The following DEPDC5 variants were observed in gnomAD, a reference collection of about 807,000 sequenced individuals.
The protein encoded by DEPDC5 is DEP domain containing 5, GATOR1 subcomplex subunit.
Under a neutral mutation model 217.3 loss-of-function variants are expected in DEPDC5, and 73 were observed. That is an observed-to-expected ratio of 0.34 (90% CI 0.28 to 0.41). The LOEUF is 0.41. Among genes scored for constraint, DEPDC5 ranks in the 10% least tolerant of loss-of-function variants. The pLI, the probability that DEPDC5 is intolerant of heterozygous loss-of-function variation, is 1.00. For missense variants in DEPDC5, 1,675 were observed against 2,070.1 expected (o/e 0.81, Z 3.70); for synonymous variants, 733 against 756.7 (o/e 0.97, Z 0.51).
chr22:31,845,310 C>A (rs905896193), intron 30 of DEPDC5, 73 bp downstream of exon 30: 3 of 1,521,732 alleles, frequency 2.0e-6, no homozygotes, highest in Non-Finnish European at 2.7e-6. Context: ...TATTAGGGGC[C>A]TCTCATCATC....
At chr22:31,757,975 G>T (rs550349033) in intron 2 of DEPDC5, among the ~76,000 whole-genome samples, 43 of 152,160 alleles carry the variant, frequency 2.8e-4, no homozygotes, top group Middle Eastern at 3.4e-3. Context: ...TGTTCGCCAG[G>T]CTGGTCTTGA....
intron 10 of DEPDC5, among the ~76,000 whole-genome samples, chr22:31,790,368 T>G (rs1009716510): frequency 6.6e-6 from 1 of 152,194 alleles, no homozygotes; most frequent in Non-Finnish European, 1.5e-5. Context: ...AGCTAACTGT[T>G]GCAAGCCACT....
chr22:31,870,232 A>C (rs936046029), intron 33 of DEPDC5, among the ~76,000 whole-genome samples: 1 of 152,132 alleles, frequency 6.6e-6, no homozygotes, highest in Non-Finnish European at 1.5e-5. Context: ...CACTCTTTCT[A>C]TGGAGATTTT....
intron 15 of DEPDC5, 123 bp downstream of exon 15, chr22:31,802,961 C>G: frequency 7.0e-6 from 9 of 1,283,730 alleles, no homozygotes; most frequent in Middle Eastern, 2.0e-4. Flanking sequence ...TGTGTCACAA[C>G]GTCTGTGGAT....
chr22:31,861,217 G>A (rs1272320932), intron 32 of DEPDC5, 151 bp from the exon 33 acceptor site: 2 of 426,962 alleles, frequency 4.7e-6, no homozygotes, highest in Non-Finnish European at 8.6e-6. Flanking sequence ...CTCTTCATAT[G>A]TCCTTGTTTC....
At position 31,821,618 on chromosome 22, in the gene DEPDC5, T is replaced by C. The variant is rs1325359553; in HGVS notation, c.1987T>C (p.Tyr663His). The change falls in exon 23 of 43, where the codon TAT (tyrosine) becomes CAT (histidine). Residue 663 changes from tyrosine (Y) to histidine (H), a missense_variant. Physicochemically the swap from Tyr to His is moderately conservative, Grantham distance 83. Transcript: ENST00000651528. ...CTCTGCAGAGCTGCTGGAGTTAGCA[T>C]ATCATGAAGCTGCTGGAAGGTGAGG... ...HSSAELLELA[Y>H]HEAAGRHSNS... 5 of 1,613,842 alleles carry C rather than the reference T, an allele frequency of 3.1e-6. No homozygotes were observed. Among genetic ancestry groups the C allele is most frequent in the Non-Finnish European group, 4.2e-6 (5 of 1,179,710 alleles).
chr22:31,820,137 T>C (rs1176504164), intron 22 of DEPDC5, among the ~76,000 whole-genome samples: 2 of 151,802 alleles, frequency 1.3e-5, no homozygotes, highest in Non-Finnish European at 2.9e-5. Flanking sequence ...TGTGAGACAG[T>C]GTCTCACTCT....
intron 4 of DEPDC5, among the ~76,000 whole-genome samples, chr22:31,764,135 T>C (rs764574172): frequency 1.3e-5 from 2 of 152,046 alleles, no homozygotes; most frequent in Non-Finnish European, 2.9e-5. Flanking sequence ...GGTTTCACCA[T>C]GTTGGTCAGG....
At position 31,884,482 on chromosome 22, in the gene DEPDC5, T is replaced by G. The variant is rs2093257904; in HGVS notation, c.4033+4730T>G. ...TCCTCAGTCCTGGTCCTCCTTGCCC[T>G]GCAACAGCATTTGTCAAATGATCTC... On this transcript the variant is annotated intron_variant, in intron 38 of 42. Transcript: ENST00000651528. 2.0e-5 allele frequency among the ~76,000 whole-genome samples: 3 copies of G among 152,334 alleles called. No homozygotes were observed. The South Asian group carries it at 6.2e-4, about 32-fold the overall frequency.
At chr22:31,815,496 C>T (rs544250059) in intron 21 of DEPDC5, 2 of 661,556 alleles carry the variant, frequency 3.0e-6, no homozygotes, top group Admixed American at 5.2e-5. Flanking sequence ...TCGATCCTCC[C>T]ACCTCTGCCT....
chr22:31,769,131 G>C, intron 7 of DEPDC5: 1 of 217,944 alleles, frequency 4.6e-6, no homozygotes, highest in Non-Finnish European at 9.2e-6. Context: ...GTGGTGGCGG[G>C]CGCCTGTAGT....
At chr22:31,785,007 A>G in intron 10 of DEPDC5, 132 bp downstream of exon 10, 1 of 670,200 alleles carries the variant, frequency 1.5e-6, no homozygotes, top group Non-Finnish European at 2.5e-6. Flanking sequence ...GATTTAAATT[A>G]CCCTAATAAT....
chr22:31,863,109 A>G (rs1425005213), intron 33 of DEPDC5, among the ~76,000 whole-genome samples: 1 of 152,004 alleles, frequency 6.6e-6, no homozygotes, highest in Non-Finnish European at 1.5e-5. Context: ...GGCCTCCCAA[A>G]GCACTGGGAT....
chr22:31,867,366 T>G (rs994503952), intron 33 of DEPDC5, among the ~76,000 whole-genome samples: 3 of 152,224 alleles, frequency 2.0e-5, no homozygotes, highest in Admixed American at 2.0e-4. Context: ...GCTCTGAACC[T>G]CCTGGTAGCC....
At position 31,802,797 on chromosome 22, in the gene DEPDC5, G is replaced by A. The variant is rs760668998; in HGVS notation, c.1040G>A (p.Arg347His). The A allele has an allele frequency of 3.1e-6, 5 of 1,607,200 alleles. No individual in the cohort carries two copies. Among genetic ancestry groups the A allele is most frequent in the Admixed American group, 1.7e-5 (1 of 58,714 alleles). Residue 347 changes from arginine (R) to histidine (H), a missense_variant, in exon 15 of 43, where the codon CGC (arginine) becomes CAC (histidine). This residue lies in a region of DEPDC5 where 628 missense variants were observed against 762.1 expected (regional missense o/e 0.82). Coordinates refer to ENST00000651528, the MANE Select transcript of DEPDC5 (RefSeq NM_001242896.3). ...TPGVGVFEVDRLLMILTKQRM... is the reference protein window; with the variant it reads ...TPGVGVFEVDHLLMILTKQRM... ...GGGGTGGGTGTCTTTGAAGTGGACC[G>A]CCTACTCATGATCCTGACCAAGCAG... is the stretch of plus-strand genomic sequence containing the variant.
At chr22:31,904,482 C>T (rs2093721499) in intron 41 of DEPDC5, among the ~76,000 whole-genome samples, 1 of 152,178 alleles carries the variant, frequency 6.6e-6, no homozygotes, top group Admixed American at 6.5e-5. Flanking sequence ...GTGGCTCACG[C>T]CTGTAATCCC....
intron 8 of DEPDC5, 101 bp from the exon 9 acceptor site, chr22:31,783,806 C>G (rs1601803598): frequency 4.1e-6 from 4 of 976,740 alleles, no homozygotes; most frequent in Non-Finnish European, 6.2e-6. Flanking sequence ...GTGTTAAGAA[C>G]ATTTACACTG....
intron 39 of DEPDC5, 42 bp from the exon 40 acceptor site, chr22:31,897,440 G>C (rs1158032954): frequency 6.4e-7 from 1 of 1,564,300 alleles, no homozygotes; most frequent in East Asian, 2.3e-5. Flanking sequence ...TTGTTTGAAA[G>C]AACTTGGAGA....
rs1164087969 is a variant in DEPDC5, at chr22:31,897,548, T to G, written c.4270T>G (p.Phe1424Val). 4 of 1,614,014 alleles carry G rather than the reference T, an allele frequency of 2.5e-6. No individual in the cohort carries two copies. The highest frequency in any genetic ancestry group is 3.4e-6 in the Non-Finnish European group (4 of 1,180,010). ...GTTAGTCCCAGTTTTGGAGGGGCCT[T>G]TTGCACTGCCCAGTTACCTGTATGG... ...FLLVPVLEGP[F>V]ALPSYLYGDP... is the part of the protein sequence containing the mutation. The change falls in exon 40 of 43, where the codon TTT (phenylalanine) becomes GTT (valine). Residue 1424 changes from phenylalanine (F) to valine (V), a missense_variant. This residue lies in a region of DEPDC5 where 182 missense variants were observed against 290.1 expected (regional missense o/e 0.63). Coordinates refer to ENST00000651528, the MANE Select transcript of DEPDC5 (RefSeq NM_001242896.3).
Sources: allele counts gnomAD v4.1 joint callset (sites outside exome capture counted in the v4.1 genomes callset), GRCh38; gene constraint gnomAD v4.1.1; regional missense constraint gnomAD v4.1.1; transcripts MANE v1.5; gene names NCBI Gene and HGNC (gene_info 2026-07-23, HGNC 2026-07-21).